The following ASTN2 variants were observed in gnomAD, a reference collection of about 807,000 sequenced individuals.
ASTN2 encodes the protein astrotactin 2, also known as astrotactin-2.
A neutral mutation model predicts 139.8 loss-of-function variants in ASTN2; 54 were observed. The ratio of observed to expected loss-of-function variants is 0.39; its 90% CI spans 0.31 to 0.48. The LOEUF (loss-of-function observed/expected upper bound fraction) is 0.48, where lower values mean the gene tolerates loss of function less well. Ranked by LOEUF, ASTN2 falls within the 20% of genes least tolerant of loss-of-function variation. The pLI, the probability that ASTN2 is intolerant of heterozygous loss-of-function variation, is 0.95. For missense variants in ASTN2, 1,565 were observed against 1,725.1 expected, an observed-to-expected ratio of 0.91 and a Z score of 1.64; for synonymous variants, 756 against 719.5, an observed-to-expected ratio of 1.05 and a Z score of -0.81.
In ASTN2 at chr9:117,321,168, C is replaced by T. The variant is rs539178006; in HGVS notation, c.443-29655G>A. ...AGGAAGGCAACCATGAGGTCCAACA[C>T]TTTGAACAGTGGCTGTCATACAGCG... is the stretch of plus-strand genomic sequence containing the variant. On this transcript the variant is annotated intron_variant, in intron 1 of 22. Transcript: ENST00000313400. Among the ~76,000 whole-genome samples, 9 of 152,360 alleles carry T rather than the reference C, an allele frequency of 5.9e-5. No homozygotes were observed. In the South Asian group the frequency reaches 1.7e-3, roughly 28 times the overall value.
At chr9:117,121,114 C>CA (rs1829547268) in intron 4 of ASTN2, among the ~76,000 whole-genome samples, 1 of 152,240 alleles carries the variant, frequency 6.6e-6, no homozygotes, top group Admixed American at 6.5e-5. Context: ...GGGTAGGCAT[C>CA]ACTACACATT....
At chr9:116,571,454 T>C (rs1853509477) in intron 19 of ASTN2, among the ~76,000 whole-genome samples, 3 of 152,214 alleles carry the variant, frequency 2.0e-5, no homozygotes, top group Admixed American at 2.0e-4. Flanking sequence ...TTTAGAAACA[T>C]TTACTGAATT....
chr9:116,569,324 G>A (rs1853395096), intron 19 of ASTN2, among the ~76,000 whole-genome samples: 1 of 152,222 alleles, frequency 6.6e-6, no homozygotes, highest in South Asian at 2.1e-4. Flanking sequence ...GAAGCATGGT[G>A]AACATCTGAT....
chr9:117,319,239 G>C (rs1319262150), intron 1 of ASTN2, among the ~76,000 whole-genome samples: 1 of 152,100 alleles, frequency 6.6e-6, no homozygotes, highest in Non-Finnish European at 1.5e-5. Flanking sequence ...CTCAATGAAT[G>C]CTCACCTCTA....
chr9:117,398,018 A>T (rs1197150939), intron 1 of ASTN2, among the ~76,000 whole-genome samples: 1 of 152,188 alleles, frequency 6.6e-6, no homozygotes, highest in Non-Finnish European at 1.5e-5. Flanking sequence ...TCTGTGTCTC[A>T]TATGTATCTG....
In ASTN2 at chr9:117,198,248, C is replaced by T. The variant is rs1467966244; in HGVS notation, c.1015+16110G>A. 3.9e-5 allele frequency among the ~76,000 whole-genome samples: 6 copies of T among 152,156 alleles called. No individual in the cohort carries two copies. The East Asian group carries it at 9.7e-4, about 25-fold the overall frequency. ...TCTGTGTTCATGCATTCTCAATGTT[C>T]AACTCCCACTTATGAGTGAGAACAT... On this transcript the variant is annotated intron_variant, in intron 3 of 22. Coordinates refer to ENST00000313400, the MANE Select transcript of ASTN2 (RefSeq NM_001365068.1).
At chr9:116,896,869 C>T (rs1333962209) in intron 10 of ASTN2, among the ~76,000 whole-genome samples, 2 of 152,172 alleles carry the variant, frequency 1.3e-5, no homozygotes, top group Admixed American at 6.5e-5. Context: ...CCTCCCTTGA[C>T]ACATGTGGAT....
intron 17 of ASTN2, among the ~76,000 whole-genome samples, chr9:116,646,369 T>A (rs753373203): frequency 6.4e-4 from 98 of 152,238 alleles, no homozygotes; most frequent in Admixed American, 2.6e-3. Flanking sequence ...CAACTATAGG[T>A]CAGGGCTCTG....
intron 4 of ASTN2, among the ~76,000 whole-genome samples, chr9:117,127,285 C>T (rs1049974221): frequency 3.9e-5 from 6 of 152,202 alleles, no homozygotes; most frequent in African/African-American, 1.2e-4. Flanking sequence ...GAAGGTTGCT[C>T]CGCAACACTG....
chr9:116,700,743 T>C (rs1308287064), intron 16 of ASTN2: 1 of 166,974 alleles, frequency 6.0e-6, no homozygotes, highest in Non-Finnish European at 1.5e-5. Flanking sequence ...TTGAGAACTG[T>C]TTCTTCATCT....
chr9:116,612,043 T>A (rs561463182), intron 19 of ASTN2: 1 of 152,254 alleles, frequency 6.6e-6, no homozygotes, highest in African/African-American at 2.4e-5. Flanking sequence ...CTTATCATAT[T>A]AACAAATTTA....
chr9:116,656,531 C>G (rs1271908275), intron 16 of ASTN2, among the ~76,000 whole-genome samples: 1 of 152,136 alleles, frequency 6.6e-6, no homozygotes, highest in Non-Finnish European at 1.5e-5. Context: ...CATTTCCCAT[C>G]CCTCTGAACA....
intron 2 of ASTN2, among the ~76,000 whole-genome samples, chr9:117,234,390 C>T (rs1832983916): frequency 6.6e-6 from 1 of 152,192 alleles, no homozygotes; most frequent in Non-Finnish European, 1.5e-5. Context: ...CAGCTAATCC[C>T]TCCTGAACCG....
chr9:116,514,045 A>G, intron 19 of ASTN2, among the ~76,000 whole-genome samples: 1 of 151,696 alleles, frequency 6.6e-6, no homozygotes, highest in Non-Finnish European at 1.5e-5. Flanking sequence ...GCTGGTGAGG[A>G]GCTGCGTTCC....
At chr9:116,757,911 A>G (rs1829577313) in intron 13 of ASTN2, among the ~76,000 whole-genome samples, 1 of 152,184 alleles carries the variant, frequency 6.6e-6, no homozygotes, top group African/African-American at 2.4e-5. Flanking sequence ...AATGAGATAT[A>G]GTACATAGAA....
chr9:116,999,154 C>T (rs1322432450), intron 7 of ASTN2, among the ~76,000 whole-genome samples: 1 of 152,112 alleles, frequency 6.6e-6, no homozygotes, highest in Non-Finnish European at 1.5e-5. Context: ...GCTATAAATG[C>T]CATTTACAAA....
At chr9:117,361,799 A>C (rs1829699271) in intron 1 of ASTN2, among the ~76,000 whole-genome samples, 1 of 151,960 alleles carries the variant, frequency 6.6e-6, no homozygotes, top group Non-Finnish European at 1.5e-5. Context: ...CAGCTTCCTC[A>C]TATATAAAAA....
chr9:116,686,850 A>T, intron 16 of ASTN2: 1 of 1,549,464 alleles, frequency 6.5e-7, no homozygotes, highest in Non-Finnish European at 8.7e-7. Flanking sequence ...AGCACAGAAC[A>T]TGAGGCCAAA....
intron 22 of ASTN2, among the ~76,000 whole-genome samples, chr9:116,432,496 C>A (rs938039250): frequency 1.3e-5 from 2 of 152,178 alleles, no homozygotes; most frequent in African/African-American, 4.8e-5. Context: ...TGTTGCCTAA[C>A]CTTCAAAATC....
Sources: gnomAD v4.1 joint callset for allele counts (sites outside exome capture counted in the v4.1 genomes callset) on GRCh38, gnomAD v4.1.1 for gene constraint, MANE v1.5 for transcripts, NCBI Gene and HGNC (gene_info 2026-07-23, HGNC 2026-07-21) for gene names.